PRKN: variants seen among roughly 807,000 people sequenced by gnomAD.
The protein encoded by PRKN is parkin RBR E3 ubiquitin protein ligase.
In PRKN, 56 loss-of-function variants were observed where a neutral mutation model predicts 59.5. The observed-to-expected ratio is 0.94, with a 90% CI of 0.76 to 1.18. The LOEUF (loss-of-function observed/expected upper bound fraction) is 1.18, where lower values mean the gene tolerates loss of function less well. PRKN is among the 50% of genes most tolerant of loss of function. PRKN has a pLI of 0.00. For synonymous variants in PRKN, 250 were observed against 222.1 expected (o/e 1.13, Z -1.12); for missense variants, 657 against 596.4 (o/e 1.10, Z -1.06).
At chr6:162,131,975 C>T (rs911563513) in intron 4 of PRKN, among the ~76,000 whole-genome samples, 12 of 152,066 alleles carry the variant, frequency 7.9e-5, no homozygotes, top group African/African-American at 1.9e-4. Context: ...CCAACACCGC[C>T]GACGTGTGGT....
chr6:161,737,830 T>A (rs1301882583), intron 7 of PRKN, among the ~76,000 whole-genome samples: 2 of 152,158 alleles, frequency 1.3e-5, no homozygotes, highest in African/African-American at 4.8e-5. Flanking sequence ...TTCTGGCTAG[T>A]TACATAAGGC....
intron 7 of PRKN, among the ~76,000 whole-genome samples, chr6:161,684,788 A>C (rs1785494456): frequency 6.9e-6 from 1 of 145,518 alleles, no homozygotes; most frequent in Non-Finnish European, 1.5e-5. Flanking sequence ...TGCTTTTTTA[A>C]AAGGAAAAAA....
chr6:161,702,807 C>A (rs1484832774), intron 7 of PRKN, among the ~76,000 whole-genome samples: 2 of 151,980 alleles, frequency 1.3e-5, no homozygotes, highest in Non-Finnish European at 2.9e-5. Flanking sequence ...ATCTTCATGA[C>A]CTGGAGTTAG....
intron 9 of PRKN, among the ~76,000 whole-genome samples, chr6:161,415,662 T>C (rs1218545659): frequency 4.7e-5 from 5 of 107,200 alleles, no homozygotes; most frequent in Non-Finnish European, 1.8e-5. Flanking sequence ...CCTCCTGCCC[T>C]GGTTGCTGCA....
intron 4 of PRKN, among the ~76,000 whole-genome samples, chr6:162,087,618 G>C (rs1181008715): frequency 1.7e-5 from 2 of 117,466 alleles, no homozygotes. Flanking sequence ...TTTCTGAGAC[G>C]GAGTCTCGCT....
chr6:161,686,440 C>T (rs1785558686), intron 7 of PRKN, among the ~76,000 whole-genome samples: 1 of 152,210 alleles, frequency 6.6e-6, no homozygotes, highest in African/African-American at 2.4e-5. Flanking sequence ...ATTACATACA[C>T]ACTATAATGC....
At chr6:161,722,839 T>C (rs573207291) in intron 7 of PRKN, among the ~76,000 whole-genome samples, 1 of 152,346 alleles carries the variant, frequency 6.6e-6, no homozygotes, top group South Asian at 2.1e-4. Flanking sequence ...AAGAAGTTTT[T>C]CTTTTTGAGG....
chr6:161,478,777 T>C (rs1791249181), intron 9 of PRKN, among the ~76,000 whole-genome samples: 1 of 152,180 alleles, frequency 6.6e-6, no homozygotes, highest in Admixed American at 6.5e-5. Flanking sequence ...GCCTCGGAGG[T>C]TGAGGCTTCA....
At chr6:161,956,652 C>T (rs886792631) in intron 6 of PRKN, among the ~76,000 whole-genome samples, 6 of 152,016 alleles carry the variant, frequency 3.9e-5, no homozygotes, top group African/African-American at 2.4e-5. Flanking sequence ...TCTTTAATTT[C>T]CTGAATTAAA....
At chr6:161,794,657 C>T (rs1194350574) in intron 6 of PRKN, among the ~76,000 whole-genome samples, 1 of 152,018 alleles carries the variant, frequency 6.6e-6, no homozygotes, top group Non-Finnish European at 1.5e-5. Flanking sequence ...TTCACGAATC[C>T]CTCTGTTTCT....
At chr6:162,714,979 A>G (rs1462164966) in intron 1 of PRKN, among the ~76,000 whole-genome samples, 1 of 152,256 alleles carries the variant, frequency 6.6e-6, no homozygotes, top group African/African-American at 2.4e-5. Flanking sequence ...GAAGAAAGGA[A>G]AAAGTCATCG....
chr6:161,458,597 G>A lies in PRKN; in HGVS notation c.1084-71720C>T, dbSNP rs900256789. Among the ~76,000 whole-genome samples the A allele has an allele frequency of 1.3e-5, 2 of 152,182 alleles. No individual in the cohort carries two copies. Among genetic ancestry groups the A allele is most frequent in the African/African-American group, 4.8e-5 (2 of 41,444 alleles). On this transcript the variant is annotated intron_variant, in intron 9 of 11. Coordinates refer to ENST00000366898, the MANE Select transcript of PRKN (RefSeq NM_004562.3). The surrounding 1 kb of genome is among the most constrained non-coding windows in gnomAD (Gnocchi z 6.1). ...AACTATGATTACCCTTGATTTAATA[G>A]CAAAGGAGCATTTCCAAGGTACAAA...
At chr6:161,718,616 G>A (rs980596374) in intron 7 of PRKN, among the ~76,000 whole-genome samples, 6 of 152,208 alleles carry the variant, frequency 3.9e-5, no homozygotes, top group Admixed American at 2.0e-4. Context: ...CACCCCGAGA[G>A]AAACAGCCCA....
In PRKN at chr6:161,387,550, C is replaced by T. The variant is rs1786314583; in HGVS notation, c.1084-673G>A. Among the ~76,000 whole-genome samples the T allele has an allele frequency of 2.0e-5, 3 of 152,286 alleles. No homozygotes were observed. The South Asian group carries it at 6.2e-4, about 32-fold the overall frequency. ...ACACACAGTAATGCAAATAAATACC[C>T]ACAGCAAAGTTTAATTGGTATTAGA... is the stretch of plus-strand genomic sequence containing the variant. On this transcript the variant is annotated intron_variant, in intron 9 of 11. Coordinates refer to ENST00000366898, the MANE Select transcript of PRKN (RefSeq NM_004562.3).
At chr6:162,402,822 T>C (rs1006353629) in intron 2 of PRKN, among the ~76,000 whole-genome samples, 3 of 151,980 alleles carry the variant, frequency 2.0e-5, no homozygotes, top group African/African-American at 7.2e-5. Flanking sequence ...TGAGTGATTG[T>C]TTTTTAGCTT....
intron 7 of PRKN, among the ~76,000 whole-genome samples, chr6:161,766,381 C>T (rs1240714933): frequency 6.8e-6 from 1 of 148,032 alleles, no homozygotes; most frequent in Admixed American, 6.8e-5. Flanking sequence ...AATCTTGGCT[C>T]ACTGCAACCT....
chr6:161,883,287 A>G (rs1795010334), intron 6 of PRKN, among the ~76,000 whole-genome samples: 1 of 152,016 alleles, frequency 6.6e-6, no homozygotes, highest in Non-Finnish European at 1.5e-5. Context: ...ACATCACTTG[A>G]GGTCAGGAGT....
chr6:161,714,161 A>G (rs967205152), intron 7 of PRKN, among the ~76,000 whole-genome samples: 1 of 152,210 alleles, frequency 6.6e-6, no homozygotes, highest in Non-Finnish European at 1.5e-5. Flanking sequence ...AATATTAGCA[A>G]TAGATGACAA....
At chr6:162,128,110 C>T (rs1781194347) in intron 4 of PRKN, among the ~76,000 whole-genome samples, 1 of 152,190 alleles carries the variant, frequency 6.6e-6, no homozygotes, top group Non-Finnish European at 1.5e-5. Context: ...CTTCCCTCAG[C>T]TTTACTGCAG....
Sources: gnomAD v4.1 joint callset for allele counts (sites outside exome capture counted in the v4.1 genomes callset) on GRCh38, gnomAD v4.1.1 for gene constraint, Gnocchi (gnomAD v3.1) non-coding constraint, MANE v1.5 for transcripts, NCBI Gene and HGNC (gene_info 2026-07-23, HGNC 2026-07-21) for gene names.